Variants in CHEK2 observed in about 807,000 individuals in gnomAD.
The protein encoded by CHEK2 is serine/threonine-protein kinase Chk2.
Under a neutral mutation model 69.1 loss-of-function variants are expected in CHEK2, and 71 were observed. The observed-to-expected ratio is 1.03, with a 90% CI of 0.85 to 1.25. The LOEUF is 1.25. Among genes scored for constraint, CHEK2 ranks in the 50% most tolerant of loss-of-function variants. The pLI is 0.00. For synonymous variants in CHEK2, 189 were observed against 226.9 expected, an observed-to-expected ratio of 0.83 and a Z score of 1.50; for missense variants, 664 against 649.6, an observed-to-expected ratio of 1.02 and a Z score of -0.24.
intron 2 of CHEK2, among the ~76,000 whole-genome samples, chr22:28,730,980 T>G (rs1371620138): frequency 2.6e-5 from 4 of 152,154 alleles, no homozygotes; most frequent in African/African-American, 9.7e-5. Context: ...AAGATGGATG[T>G]ATTGCTTGAG....
In CHEK2 at chr22:28,711,904, C is replaced by T. The variant is rs876658514; in HGVS notation, c.792+5G>A. The T allele has an allele frequency of 6.3e-7, 1 of 1,588,952 alleles. No homozygotes were observed. On this transcript the variant is annotated splice_donor_5th_base_variant and intron_variant, in intron 6 of 14. Coordinates refer to ENST00000404276, the MANE Select transcript of CHEK2 (RefSeq NM_007194.4). ...AAAGGTGATCAGCCTTTTATTGGTA[C>T]TTACTGCCTCTCTTGCTGAACCAAT... is the stretch of plus-strand genomic sequence containing the variant.
At chr22:28,738,773 CA>C (rs1293735014) in intron 1 of CHEK2, among the ~76,000 whole-genome samples, 2 of 152,132 alleles carry the variant, frequency 1.3e-5, no homozygotes, top group African/African-American at 4.8e-5. Context: ...CTCAAAAGCA[CA>C]GGCAACTAAA....
At chr22:28,693,934 C>G in intron 13 of CHEK2, 98 bp downstream of exon 13, 2 of 813,454 alleles carry the variant, frequency 2.5e-6, no homozygotes, top group Admixed American at 1.7e-5. Context: ...AGATTAAACA[C>G]TCAACAAAGT....
At chr22:28,708,952 CAAAAAA>C (rs374623367) in intron 7 of CHEK2, 34 of 330,716 alleles carry the variant, frequency 1.0e-4, no homozygotes, top group African/African-American at 3.0e-4. Context: ...GCCTCCGTCT[CAAAAAA>C]AAAAAAAAAA....
chr22:28,694,073 G>A lies in CHEK2; in HGVS notation c.1420C>T (p.Arg474Cys), dbSNP rs540635787. Reference protein sequence around the residue: ...KKLLVVDPKARFTTEEALRHP... With the variant: ...KKLLVVDPKACFTTEEALRHP... ...CTTAAGGCTTCTTCTGTCGTAAAACGTGCCTTTGGATCCACTACCAACAAC... is the reference window on the plus strand; with the variant it reads ...CTTAAGGCTTCTTCTGTCGTAAAACATGCCTTTGGATCCACTACCAACAAC... Residue 474 changes from arginine to cysteine, a missense_variant, in exon 13 of 15, where the codon CGT becomes TGT. By Grantham distance (180) the Arg-to-Cys change is radical. Coordinates refer to ENST00000404276, the MANE Select transcript of CHEK2 (RefSeq NM_007194.4). 32 of 1,595,950 alleles carry A rather than the reference G, an allele frequency of 2.0e-5. No homozygotes were observed. Among genetic ancestry groups the A allele is most frequent in the Admixed American group, 5.0e-5 (3 of 59,976 alleles).
At position 28,734,664 on chromosome 22, in the gene CHEK2, G is replaced by A. The variant is rs536907995; in HGVS notation, c.58C>T (p.Gln20Ter). 6.3e-5 allele frequency: 102 copies of A among 1,613,966 alleles called. No homozygotes were observed. The South Asian group carries it at 1.1e-3, about 18-fold the overall frequency. The change falls in exon 2 of 15, where the codon CAG becomes TAG. Residue 20 changes from glutamine to a stop codon, truncating the protein, a stop_gained. Coordinates refer to ENST00000404276, the MANE Select transcript of CHEK2 (RefSeq NM_007194.4). LOFTEE classifies it high-confidence loss of function. ...QQSHGSSACSQPHGSVTQSQG... is the reference protein window; with the variant it reads ...QQSHGSSACS ...GACTGGGTAACGCTGCCATGGGGCT[G>A]TGAACAGGCACTGCTGCCATGAGAC...
At chr22:28,725,712 T>C (rs1162801739) in intron 2 of CHEK2, among the ~76,000 whole-genome samples, 4 of 151,630 alleles carry the variant, frequency 2.6e-5, no homozygotes, top group African/African-American at 9.7e-5. Flanking sequence ...AATTTAAAAA[T>C]TAGTCTGGGC....
rs9625542 is a variant in CHEK2 at position 28,713,049 on chromosome 22, C to T, written c.684-1032G>A. 1.5e-3 allele frequency among the ~76,000 whole-genome samples: 235 copies of T among 152,308 alleles called. 1 individual carries two copies. Among genetic ancestry groups the T allele is most frequent in the Non-Finnish European group, 2.9e-3 (194 of 68,032 alleles). On this transcript the variant is annotated intron_variant, in intron 5 of 14. Transcript: ENST00000404276. ...CTACTTTCTCTAAATATTGATTTGCCTATTCTGAATATTTCATATTGATGT... is the reference window on the plus strand; with the variant it reads ...CTACTTTCTCTAAATATTGATTTGCTTATTCTGAATATTTCATATTGATGT...
rs3841692 is a variant in CHEK2 at position 28,734,359 on chromosome 22, G to GT, written c.319+43dup. Reference sequence around the variant, plus strand: ...CCTGGTAATACAACTTTCTGTAAGTGTTTTTCTGAACAAAACGTGATACTA... The same window carrying GT: ...CCTGGTAATACAACTTTCTGTAAGTGTTTTTTCTGAACAAAACGTGATACTA... On this transcript the variant is annotated intron_variant, in intron 2 of 14. Coordinates refer to ENST00000404276, the MANE Select transcript of CHEK2 (RefSeq NM_007194.4). The GT allele has an allele frequency of 0.18, 289,236 of 1,589,378 alleles. 29,962 individuals are homozygous for GT. The highest frequency in any genetic ancestry group is 0.42 in the East Asian group (18,936 of 44,698).
In CHEK2 at chr22:28,718,201, G is replaced by A. The variant is rs559271120; in HGVS notation, c.683+1194C>T. 5.9e-5 allele frequency among the ~76,000 whole-genome samples: 9 copies of A among 152,266 alleles called. 1 individual carries two copies. The South Asian group carries it at 1.9e-3, about 32-fold the overall frequency. On this transcript the variant is annotated intron_variant, in intron 5 of 14. Transcript: ENST00000404276. The stretch of plus-strand genomic sequence containing the variant: ...AATGCTCAGTATCTCTAGCCATCAA[G>A]GAAATGCAAATTAAAACCACAATGA...
intron 8 of CHEK2, among the ~76,000 whole-genome samples, chr22:28,702,438 C>G (rs1207120383): frequency 6.6e-6 from 1 of 151,470 alleles, no homozygotes; most frequent in East Asian, 1.9e-4. Flanking sequence ...CAGGGTTTCA[C>G]CGTGTTAGCC....
At chr22:28,702,485 G>C (rs548786066) in intron 8 of CHEK2, among the ~76,000 whole-genome samples, 1 of 149,658 alleles carries the variant, frequency 6.7e-6, no homozygotes, top group South Asian at 2.1e-4. Context: ...TGATCCGCCC[G>C]CCTTGGCCTC....
rs1458735225 is a variant in CHEK2 at position 28,712,061 on chromosome 22, TTA to T, written c.684-46_684-45del. 3.6e-6 allele frequency: 5 copies of T among 1,370,052 alleles called. No homozygotes were observed. In the African/African-American group the frequency reaches 5.7e-5, roughly 16 times the overall value. The allele number at this position is 1,370,052 out of a possible 1,614,324, so 84.9% of individuals were successfully genotyped here. A position where few individuals can be genotyped will look rare whatever the true frequency, so the allele number is the denominator to read the frequency against. ...ATAGTGATTGTCTGAATGTTTTTAA[TTA>T]TGAGACCTACCACTCCTGGGTCCAC... On this transcript the variant is annotated intron_variant, in intron 5 of 14. Transcript: ENST00000404276.
intron 5 of CHEK2, among the ~76,000 whole-genome samples, chr22:28,717,842 GCACACCATTGCCTGGGCAACAAGAGAC>G (rs1039766340): frequency 1.3e-5 from 2 of 152,134 alleles, no homozygotes; most frequent in East Asian, 1.9e-4. Flanking sequence ...CCACACCATT[GCACACCATTGCCTGGGCAACAAGAGAC>G]CACACCATTG....
intron 4 of CHEK2, among the ~76,000 whole-genome samples, chr22:28,723,625 A>AG (rs2053883801): frequency 2.1e-5 from 3 of 145,674 alleles, no homozygotes; most frequent in African/African-American, 7.5e-5. Flanking sequence ...AAAAAAAAAA[A>AG]GGAGCTCAAT....
At chr22:28,735,068 T>C (rs757074074) in intron 1 of CHEK2, among the ~76,000 whole-genome samples, 14 of 152,128 alleles carry the variant, frequency 9.2e-5, no homozygotes, top group Non-Finnish European at 1.5e-4. Context: ...AAATTAAGAC[T>C]GAAACCAAAA....
chr22:28,704,095 G>C (rs149926439), intron 7 of CHEK2, among the ~76,000 whole-genome samples: 38 of 143,738 alleles, frequency 2.6e-4, no homozygotes, highest in African/African-American at 9.6e-4. Context: ...ACACACTTGG[G>C]TCGGGGGCAG....
rs187151575 is a variant in CHEK2, at chr22:28,713,452, C to A, written c.684-1435G>T. On this transcript the variant is annotated intron_variant, in intron 5 of 14. Transcript: ENST00000404276. ...TCGGCTCACCGCAAGCTCCGCCTCC[C>A]GGGTTCACGCCATTCTGCCTCAGCC... 2.7e-5 allele frequency among the ~76,000 whole-genome samples: 4 copies of A among 150,244 alleles called. No individual in the cohort carries two copies. In the East Asian group the frequency reaches 7.9e-4, roughly 30 times the overall value.
At chr22:28,737,749 A>G (rs1176629134) in intron 1 of CHEK2, 2 of 154,094 alleles carry the variant, frequency 1.3e-5, no homozygotes, top group East Asian at 3.8e-4. Flanking sequence ...AACTGCTAGG[A>G]TTACAGGCCT....
Sources: allele counts gnomAD v4.1 joint callset (sites outside exome capture counted in the v4.1 genomes callset), GRCh38; gene constraint gnomAD v4.1.1; transcripts MANE v1.5; gene names NCBI Gene and HGNC (gene_info 2026-07-23, HGNC 2026-07-21).